Variants in ROBO2 observed in about 807,000 individuals in gnomAD.
ROBO2 encodes the protein roundabout homolog 2.
Under a neutral mutation model 160.8 loss-of-function variants are expected in ROBO2, and 53 were observed. The ratio of observed to expected loss-of-function variants is 0.33; its 90% CI spans 0.26 to 0.41. The LOEUF (loss-of-function observed/expected upper bound fraction) is 0.41, where lower values mean the gene tolerates loss of function less well. Ranked by LOEUF, ROBO2 falls within the 10% of genes least tolerant of loss-of-function variation. The pLI is 1.00. For synonymous variants in ROBO2, 664 were observed against 611.7 expected (o/e 1.09, Z -1.26); for missense variants, 1,577 against 1,722.4 (o/e 0.92, Z 1.49).
chr3:76,058,438 T>C (rs1428156687), intron 2 of ROBO2, among the ~76,000 whole-genome samples: 1 of 152,148 alleles, frequency 6.6e-6, no homozygotes, highest in Non-Finnish European at 1.5e-5. Context: ...TTCTAATAAG[T>C]TCATATTTTA....
intron 2 of ROBO2, among the ~76,000 whole-genome samples, chr3:76,119,933 C>A (rs1409867120): frequency 7.8e-6 from 1 of 128,620 alleles, no homozygotes; most frequent in Non-Finnish European, 1.7e-5. Flanking sequence ...TTCCTTCCTT[C>A]CTTCCTTCCT....
At chr3:77,317,497 C>T in intron 2 of ROBO2, 2 of 1,485,262 alleles carry the variant, frequency 1.3e-6, no homozygotes, top group African/African-American at 2.8e-5. Flanking sequence ...AACTCCGATC[C>T]ATCCTCAGAT....
chr3:76,501,693 G>A (rs546190323), intron 2 of ROBO2, among the ~76,000 whole-genome samples: 10 of 152,248 alleles, frequency 6.6e-5, no homozygotes, highest in Non-Finnish European at 1.3e-4. Context: ...ATCCTACACT[G>A]TATTTTCTCT....
At chr3:76,413,825 G>T (rs1017825728) in intron 2 of ROBO2, among the ~76,000 whole-genome samples, 11 of 152,056 alleles carry the variant, frequency 7.2e-5, no homozygotes, top group African/African-American at 2.2e-4. Flanking sequence ...TTCCAAAGTC[G>T]CTTCCACATT....
intron 2 of ROBO2, among the ~76,000 whole-genome samples, chr3:76,808,204 G>A (rs1380602683): frequency 6.6e-6 from 1 of 152,034 alleles, no homozygotes; most frequent in East Asian, 1.9e-4. Flanking sequence ...TACTTAAGCT[G>A]CACTGGACTT....
chr3:77,268,902 G>A (rs1369144071), intron 2 of ROBO2, among the ~76,000 whole-genome samples: 1 of 152,156 alleles, frequency 6.6e-6, no homozygotes, highest in Non-Finnish European at 1.5e-5. Flanking sequence ...AGTTGTCAGA[G>A]CTGAGTATCT....
chr3:77,204,960 G>C (rs2083275407), intron 2 of ROBO2, among the ~76,000 whole-genome samples: 1 of 152,222 alleles, frequency 6.6e-6, no homozygotes, highest in African/African-American at 2.4e-5. Flanking sequence ...CGGCTGCTCA[G>C]ACCCCTGACG....
intron 2 of ROBO2, among the ~76,000 whole-genome samples, chr3:76,113,524 A>C (rs774445185): frequency 4.6e-5 from 7 of 152,138 alleles, no homozygotes; most frequent in Admixed American, 3.3e-4. Context: ...TCTCATCTGC[A>C]AAATTATGTC....
chr3:76,620,699 T>C (rs894963316), intron 2 of ROBO2, among the ~76,000 whole-genome samples: 1 of 152,192 alleles, frequency 6.6e-6, no homozygotes, highest in Non-Finnish European at 1.5e-5. Flanking sequence ...GCTATTTCTA[T>C]ACATTATGGC....
chr3:76,214,850 G>A (rs1214503490), intron 2 of ROBO2, among the ~76,000 whole-genome samples: 4 of 152,198 alleles, frequency 2.6e-5, no homozygotes, highest in Non-Finnish European at 5.9e-5. Flanking sequence ...ATCTGAGAAC[G>A]GGCAGACTGC....
intron 21 of ROBO2, among the ~76,000 whole-genome samples, chr3:77,617,126 T>C (rs911616373): frequency 3.4e-5 from 2 of 58,346 alleles, no homozygotes; most frequent in Admixed American, 4.0e-4. Flanking sequence ...GATATTGGCA[T>C]GTAATGGTGC....
intron 2 of ROBO2, among the ~76,000 whole-genome samples, chr3:76,704,739 C>A (rs7640186): frequency 0.05 from 7,663 of 152,096 alleles, 552 homozygotes; most frequent in African/African-American, 0.16. Flanking sequence ...ACCAGTTACA[C>A]TGGGTATACA....
At chr3:76,686,396 C>A (rs1372941100) in intron 2 of ROBO2, among the ~76,000 whole-genome samples, 2 of 151,988 alleles carry the variant, frequency 1.3e-5, no homozygotes, top group Admixed American at 6.6e-5. Context: ...TAAAAAGAAT[C>A]CATAAAAGAG....
intron 2 of ROBO2, among the ~76,000 whole-genome samples, chr3:77,168,376 T>C (rs1309746849): frequency 6.6e-6 from 1 of 152,206 alleles, no homozygotes; most frequent in Non-Finnish European, 1.5e-5. Context: ...TTTAAGGAGT[T>C]ATCTGGCCTC....
intron 2 of ROBO2, among the ~76,000 whole-genome samples, chr3:76,321,811 T>C (rs1388163059): frequency 6.6e-6 from 1 of 152,162 alleles, no homozygotes; most frequent in Non-Finnish European, 1.5e-5. Flanking sequence ...ACACGTCATA[T>C]GATGACTGCA....
At chr3:76,314,160 C>G (rs2071803997) in intron 2 of ROBO2, among the ~76,000 whole-genome samples, 1 of 152,072 alleles carries the variant, frequency 6.6e-6, no homozygotes, top group Non-Finnish European at 1.5e-5. Context: ...TATATGAACA[C>G]CTTAAGGGAA....
At chr3:77,220,168 G>T (rs532865995) in intron 2 of ROBO2, among the ~76,000 whole-genome samples, 1 of 151,862 alleles carries the variant, frequency 6.6e-6, no homozygotes, top group Non-Finnish European at 1.5e-5. Flanking sequence ...GTGCCACCAC[G>T]CCTGGCTAAT....
chr3:76,716,663 G>T (rs1225708330), intron 2 of ROBO2, among the ~76,000 whole-genome samples: 1 of 152,190 alleles, frequency 6.6e-6, no homozygotes, highest in Admixed American at 6.5e-5. Flanking sequence ...TTACCTAGCA[G>T]CTTGAGCCTT....
At chr3:76,072,454 C>T (rs568265788) in intron 2 of ROBO2, among the ~76,000 whole-genome samples, 1 of 151,882 alleles carries the variant, frequency 6.6e-6, no homozygotes, top group Non-Finnish European at 1.5e-5. Context: ...TAAAATAAAA[C>T]TTGAGAGATG....
Sources: gnomAD v4.1 joint callset for allele counts (sites outside exome capture counted in the v4.1 genomes callset) on GRCh38, gnomAD v4.1.1 for gene constraint, MANE v1.5 for transcripts, NCBI Gene and HGNC (gene_info 2026-07-23, HGNC 2026-07-21) for gene names.